Variants in SCAMP1 observed in about 807,000 individuals in gnomAD.
The protein encoded by SCAMP1 is secretory carrier membrane protein 1.
A neutral mutation model predicts 41.8 loss-of-function variants in SCAMP1; 15 were observed. The ratio of observed to expected loss-of-function variants is 0.36; its 90% CI spans 0.24 to 0.55. The LOEUF (loss-of-function observed/expected upper bound fraction) is 0.55. Among genes scored for constraint, SCAMP1 ranks in the 20% least tolerant of loss-of-function variants. The probability of loss-of-function intolerance (pLI) is 0.86; values close to 1 mark genes in which losing one functional copy is unlikely to be tolerated. For synonymous variants in SCAMP1, 135 were observed against 136.8 expected, an observed-to-expected ratio of 0.99 and a Z score of 0.09; for missense variants, 341 against 412.6, an observed-to-expected ratio of 0.83 and a Z score of 1.50.
At chr5:78,382,783 G>C (rs1190710525) in intron 1 of SCAMP1, among the ~76,000 whole-genome samples, 1 of 49,378 alleles carries the variant, frequency 2.0e-5, no homozygotes, top group African/African-American at 7.3e-5. Context: ...CATGGTGTGT[G>C]TGTGTGTGTG....
chr5:78,448,435 TA>T, intron 6 of SCAMP1, among the ~76,000 whole-genome samples: 1 of 151,982 alleles, frequency 6.6e-6, no homozygotes, highest in East Asian at 1.9e-4. Flanking sequence ...AATATAGTTT[TA>T]AAAACTCTCA....
rs146733572 is a variant in SCAMP1 at position 78,397,656 on chromosome 5, C to T, written c.135+8742C>T. 6.0e-3 allele frequency among the ~76,000 whole-genome samples: 913 copies of T among 152,208 alleles called. 7 individuals carry two copies. The highest frequency in any genetic ancestry group is 0.031 in the South Asian group (150 of 4,826). ...GACAACCAGGCTGGGTGTGGTGGCT[C>T]ATGTTTGTAATCCCAGCACCTTGGG... On this transcript the variant is annotated intron_variant, in intron 2 of 8. Coordinates refer to ENST00000621999, the MANE Select transcript of SCAMP1 (RefSeq NM_004866.6).
chr5:78,424,448 G>A (rs1027689990), intron 6 of SCAMP1, among the ~76,000 whole-genome samples: 1 of 152,030 alleles, frequency 6.6e-6, no homozygotes, highest in Admixed American at 6.6e-5. Flanking sequence ...TGTAACTTGG[G>A]GCTGGGCATG....
At chr5:78,462,314 G>T (rs1753638879) in intron 8 of SCAMP1, among the ~76,000 whole-genome samples, 1 of 151,552 alleles carries the variant, frequency 6.6e-6, no homozygotes, top group Non-Finnish European at 1.5e-5. Flanking sequence ...TTTGTATGTT[G>T]ATTTTGTATC....
intron 1 of SCAMP1, among the ~76,000 whole-genome samples, chr5:78,381,076 A>T (rs950975957): frequency 6.6e-6 from 1 of 152,128 alleles, no homozygotes; most frequent in Non-Finnish European, 1.5e-5. Flanking sequence ...CAAAAAAAAA[A>T]AACTGTTTCT....
At chr5:78,383,112 TA>T (rs1448220340) in intron 1 of SCAMP1, among the ~76,000 whole-genome samples, 2 of 152,108 alleles carry the variant, frequency 1.3e-5, no homozygotes, top group Non-Finnish European at 2.9e-5. Context: ...AAATATCTAT[TA>T]TTTTTTGATT....
At chr5:78,382,880 G>A (rs543398469) in intron 1 of SCAMP1, among the ~76,000 whole-genome samples, 3 of 150,358 alleles carry the variant, frequency 2.0e-5, no homozygotes, top group East Asian at 4.0e-4. Flanking sequence ...CCATATTTTT[G>A]CAATTGCAAA....
chr5:78,466,030 A>C (rs1056594959), intron 8 of SCAMP1, among the ~76,000 whole-genome samples: 1 of 152,264 alleles, frequency 6.6e-6, no homozygotes, highest in Non-Finnish European at 1.5e-5. Context: ...ACTGCGGCCT[A>C]GCCAAATTAA....
chr5:78,409,649 C>T (rs1172985515), intron 2 of SCAMP1, among the ~76,000 whole-genome samples: 1 of 152,100 alleles, frequency 6.6e-6, no homozygotes, highest in Non-Finnish European at 1.5e-5. Flanking sequence ...AGGATAATAG[C>T]TATTAGATTT....
At chr5:78,419,692 A>T (rs1365368857) in intron 5 of SCAMP1, among the ~76,000 whole-genome samples, 1 of 152,208 alleles carries the variant, frequency 6.6e-6, no homozygotes, top group East Asian at 1.9e-4. Flanking sequence ...TGTAGGGTAC[A>T]TTCTTGATGG....
chr5:78,388,474 A>T lies in SCAMP1; in HGVS notation c.58-363A>T, dbSNP rs575567800. Among the ~76,000 whole-genome samples, 45 of 152,352 alleles carry T rather than the reference A, an allele frequency of 3.0e-4. No homozygotes were observed. In the South Asian group the frequency reaches 9.3e-3, roughly 32 times the overall value. On this transcript the variant is annotated intron_variant, in intron 1 of 8. Coordinates refer to ENST00000621999, the MANE Select transcript of SCAMP1 (RefSeq NM_004866.6). ...TGGGACAAACTGAAGCTGTTATAAA[A>T]AGGGGGAACGTGAACTCTTTGTCGA...
intron 2 of SCAMP1, among the ~76,000 whole-genome samples, chr5:78,401,319 G>T (rs1751791771): frequency 6.6e-6 from 1 of 152,022 alleles, no homozygotes; most frequent in Admixed American, 6.6e-5. Flanking sequence ...TCTTTGGTTT[G>T]ATATGAGGGT....
rs754291847 is a variant in SCAMP1, at chr5:78,418,852, A to G, written c.421A>G (p.Ile141Val). The G allele has an allele frequency of 6.3e-7, 1 of 1,581,682 alleles. No homozygotes were observed. Among genetic ancestry groups the G allele is most frequent in the Non-Finnish European group, 8.6e-7 (1 of 1,162,610 alleles). Residue 141 changes from isoleucine (I) to valine (V), a missense_variant, in exon 5 of 9, where the codon ATT (isoleucine) becomes GTT (valine). Physicochemically the swap from Ile to Val is conservative, Grantham distance 29. Transcript: ENST00000621999. Reference protein sequence around the residue: ...PCFYQDFSVDIPVEFQKTVKL... With the variant: ...PCFYQDFSVDVPVEFQKTVKL... The stretch of plus-strand genomic sequence containing the variant: ...TTTCTATCAGGATTTTTCTGTAGAC[A>G]TTCCTGTAGAATTCCAAAAGACAGT...
At chr5:78,442,045 A>T (rs376354103) in intron 6 of SCAMP1, among the ~76,000 whole-genome samples, 6 of 152,166 alleles carry the variant, frequency 3.9e-5, no homozygotes, top group African/African-American at 1.4e-4. Context: ...GGGAGGATTG[A>T]TTGAGCCCAA....
intron 6 of SCAMP1, among the ~76,000 whole-genome samples, chr5:78,440,944 A>C (rs1440723583): frequency 2.6e-5 from 4 of 152,156 alleles, no homozygotes; most frequent in African/African-American, 9.7e-5. Context: ...GCCACCTTGC[A>C]GTTCGATCTC....
intron 7 of SCAMP1, among the ~76,000 whole-genome samples, chr5:78,451,854 C>T (rs922338697): frequency 6.6e-6 from 1 of 152,192 alleles, no homozygotes; most frequent in Non-Finnish European, 1.5e-5. Context: ...AGGATTTCGC[C>T]ATGTTGCCCA....
rs1166122214 is a variant in SCAMP1, at chr5:78,409,835, G to A, written c.136-5685G>A. Among the ~76,000 whole-genome samples, 6 of 152,216 alleles carry A rather than the reference G, an allele frequency of 3.9e-5. No individual in the cohort carries two copies. In the South Asian group the frequency reaches 1.0e-3, roughly 26 times the overall value. On this transcript the variant is annotated intron_variant, in intron 2 of 8. Coordinates refer to ENST00000621999, the MANE Select transcript of SCAMP1 (RefSeq NM_004866.6). ...TATTTAAAGTAATACAGCATTTATA[G>A]CAAGGTTTCAGCTGGGTACATTCTT... is the stretch of plus-strand genomic sequence containing the variant.
At chr5:78,439,470 A>C (rs181247242) in intron 6 of SCAMP1, among the ~76,000 whole-genome samples, 1 of 152,028 alleles carries the variant, frequency 6.6e-6, no homozygotes, top group East Asian at 1.9e-4. Flanking sequence ...TCCTTCACTT[A>C]TGAAGCTTAG....
At chr5:78,456,564 T>C (rs1482990677) in intron 7 of SCAMP1, among the ~76,000 whole-genome samples, 1 of 151,298 alleles carries the variant, frequency 6.6e-6, no homozygotes, top group African/African-American at 2.4e-5. Context: ...GCTGTTAGTC[T>C]GATGGGCTTC....
Sources: allele counts gnomAD v4.1 joint callset (sites outside exome capture counted in the v4.1 genomes callset), GRCh38; gene constraint gnomAD v4.1.1; transcripts MANE v1.5; gene names NCBI Gene and HGNC (gene_info 2026-07-23, HGNC 2026-07-21).